TGM1: variants seen among roughly 807,000 people sequenced by gnomAD.
The protein encoded by TGM1 is transglutaminase 1.
In TGM1, 63 loss-of-function variants were observed where a neutral mutation model predicts 88.7. That is an observed-to-expected ratio of 0.71 (90% CI 0.58 to 0.88). The LOEUF (loss-of-function observed/expected upper bound fraction) is 0.88, where lower values mean the gene tolerates loss of function less well. TGM1 is among the 40% of genes least tolerant of loss of function. TGM1 has a pLI of 0.00. For synonymous variants in TGM1, 415 were observed against 431.1 expected (o/e 0.96, Z 0.46); for missense variants, 996 against 1,118.0 (o/e 0.89, Z 1.56).
In TGM1 at chr14:24,260,519, C is replaced by T. The variant is rs531428094; in HGVS notation, c.688G>A (p.Ala230Thr). Residue 230 changes from alanine (A) to threonine (T), a missense_variant, in exon 4 of 15, where the codon GCT becomes ACT. Transcript: ENST00000206765. Reference protein sequence around the residue: ...FQFTVRTQSDAGEFQLPFDPR... With the variant: ...FQFTVRTQSDTGEFQLPFDPR... ...TCAAAGGGCAACTGGAACTCCCCAG[C>T]GTCTGATTGTGTGCGGACTGTGAAC... 25 of 1,614,224 alleles carry T rather than the reference C, an allele frequency of 1.5e-5. No individual in the cohort carries two copies. The highest frequency in any genetic ancestry group is 5.0e-5 in the Admixed American group (3 of 60,034).
intron 13 of TGM1, 68 bp downstream of exon 13, chr14:24,254,596 C>A: frequency 6.2e-7 from 1 of 1,610,618 alleles, no homozygotes. Flanking sequence ...TAGCGCCCAC[C>A]TCTGATGTCC....
In TGM1 at chr14:24,259,771, T is replaced by C; in HGVS notation, c.917A>G (p.Asp306Gly). ...GVLDACLYIL[D>G]RRGMPYGGRG... ...GCCTCCATATGGCATCCCCCGCCGG[T>C]CCAGGATGTATAAGCAGGCATCCAG... The change falls in exon 6 of 15, where the codon GAC (aspartate) becomes GGC (glycine). Residue 306 changes from aspartate (D) to glycine (G), a missense_variant. Transcript: ENST00000206765. The surrounding 1 kb of genome is among the most constrained non-coding windows in gnomAD (Gnocchi z 5.7). The C allele has an allele frequency of 3.7e-6, 6 of 1,613,188 alleles. No homozygotes were observed. Among genetic ancestry groups the C allele is most frequent in the Non-Finnish European group, 4.2e-6 (5 of 1,179,886 alleles).
intron 14 of TGM1, among the ~76,000 whole-genome samples, chr14:24,250,960 A>C (rs2040696389): frequency 6.6e-6 from 1 of 152,130 alleles, no homozygotes; most frequent in African/African-American, 2.4e-5. Context: ...TCCAAGGATG[A>C]GTTTTTTTCA....
chr14:24,260,044 C>T lies in TGM1; in HGVS notation c.772G>A (p.Val258Met), dbSNP rs771471341. ...NPWCPEDIVYVDHEDWRQEYV... is the reference protein window; with the variant it reads ...NPWCPEDIVYMDHEDWRQEYV... The stretch of plus-strand genomic sequence containing the variant: ...TCCTGCCGCCAATCCTCATGGTCCA[C>T]GTACACAATGTCCTCTGTGTCCCCA... The change falls in exon 5 of 15, where the codon GTG becomes ATG. Residue 258 changes from valine to methionine, a missense_variant. Coordinates refer to ENST00000206765, the MANE Select transcript of TGM1 (RefSeq NM_000359.3). The T allele has an allele frequency of 1.7e-5, 27 of 1,613,994 alleles. No individual in the cohort carries two copies. Among genetic ancestry groups the T allele is most frequent in the South Asian group, 6.6e-5 (6 of 91,090 alleles).
intron 13 of TGM1, 25 bp from the exon 14 acceptor site, chr14:24,254,313 C>T: frequency 4.3e-6 from 7 of 1,613,874 alleles, no homozygotes; most frequent in Non-Finnish European, 5.1e-6. Flanking sequence ...GGCCCATCCC[C>T]CACGTCAGAG....
chr14:24,262,120 C>T lies in TGM1; in HGVS notation c.233G>A (p.Arg78Gln), dbSNP rs775030916. 7.4e-6 allele frequency: 12 copies of T among 1,613,488 alleles called. No individual in the cohort carries two copies. The highest frequency in any genetic ancestry group is 3.3e-5 in the Admixed American group (2 of 60,008). ...SRGRGSSSGT[R>Q]RPGSRGSDSR... ...GTCTGAGCCCCGGGAGCCAGGTCTT[C>T]GAGTGCCAGAGCTGGACCCTCGACC... is the stretch of plus-strand genomic sequence containing the variant. Residue 78 changes from arginine to glutamine, a missense_variant, in exon 2 of 15, where the codon CGA (arginine) becomes CAA (glutamine). Physicochemically the swap from Arg to Gln is conservative, Grantham distance 43. Transcript: ENST00000206765.
At chr14:24,258,803 CG>C (rs1566378700) in intron 7 of TGM1, 130 bp from the exon 8 acceptor site, 3 of 1,392,042 alleles carry the variant, frequency 2.2e-6, no homozygotes, top group Non-Finnish European at 2.9e-6. Flanking sequence ...GTCAGGGCCA[CG>C]GGGGCCACAA....
chr14:24,257,373 T>C (rs1397618192), intron 9 of TGM1, among the ~76,000 whole-genome samples: 2 of 152,188 alleles, frequency 1.3e-5, no homozygotes, highest in East Asian at 3.8e-4. Context: ...GAGTGTATGG[T>C]AGTTCTAATT....
chr14:24,262,186 G>A lies in TGM1; in HGVS notation c.167C>T (p.Ala56Val), dbSNP rs147479810. Residue 56 changes from alanine (A) to valine (V), a missense_variant, in exon 2 of 15, where the codon GCG becomes GTG. Coordinates refer to ENST00000206765, the MANE Select transcript of TGM1 (RefSeq NM_000359.3). ...RCCGCCSCRN[A>V]ADDDWGPEPS... ...TTCAGGTCCCCAGTCGTCATCTGCC[G>A]CATTTCGGCATGAACAGCAGCCACA... 383 of 1,613,756 alleles carry A rather than the reference G, an allele frequency of 2.4e-4. 4 individuals are homozygous for A. The East Asian group carries it at 4.0e-3, about 17-fold the overall frequency.
chr14:24,259,930 C>T lies in TGM1; in HGVS notation c.876+10G>A, dbSNP rs201936986. On this transcript the variant is annotated intron_variant, in intron 5 of 14. Coordinates refer to ENST00000206765, the MANE Select transcript of TGM1 (RefSeq NM_000359.3). The surrounding 1 kb of genome is among the most constrained non-coding windows in gnomAD (Gnocchi z 5.7). ...CTGGGTGTATGTGACCCTGGCCAGC[C>T]GCACCATACCTGGCCGTAGTTCCAG... 3.4e-4 allele frequency: 548 copies of T among 1,613,434 alleles called. 2 individuals are homozygous for T. In the Middle Eastern group the frequency reaches 5.1e-3, roughly 15 times the overall value.
intron 3 of TGM1, among the ~76,000 whole-genome samples, chr14:24,260,907 A>G (rs1053197615): frequency 6.6e-6 from 1 of 152,190 alleles, no homozygotes; most frequent in African/African-American, 2.4e-5. Context: ...GCCGCAGTCC[A>G]ACATCCCAAA....
In TGM1 at chr14:24,262,058, C is replaced by A; in HGVS notation, c.295G>T (p.Ala99Ser). The A allele has an allele frequency of 6.2e-7, 1 of 1,613,680 alleles. No individual in the cohort carries two copies. Among genetic ancestry groups the A allele is most frequent in the Non-Finnish European group, 8.5e-7 (1 of 1,180,042 alleles). The change falls in exon 2 of 15, where the codon GCA (alanine) becomes TCA (serine). Residue 99 changes from alanine to serine, a missense_variant. Transcript: ENST00000206765. ...RPVSRGSGVN[A>S]AGDGTIREGM... ...CCTCGGATGGTGCCATCTCCAGCTGCATTGACACCGCTGCCCCGGGATACA... is the reference window on the plus strand; with the variant it reads ...CCTCGGATGGTGCCATCTCCAGCTGAATTGACACCGCTGCCCCGGGATACA...
chr14:24,249,563 T>C, intron 14 of TGM1, 22 bp from the exon 15 acceptor site: 1 of 1,608,154 alleles, frequency 6.2e-7, no homozygotes, highest in East Asian at 2.2e-5. Flanking sequence ...GACAAGGTCA[T>C]GGGCCTGGAG....
Position 24,254,231 on chromosome 14 carries a change from G to C in TGM1, c.2146C>G (p.Pro716Ala). Residue 716 changes from proline to alanine, a missense_variant, in exon 14 of 15, where the codon CCC (proline) becomes GCC (alanine). Pro to Ala is a conservative substitution (Grantham distance 27, BLOSUM62 -1). Transcript: ENST00000206765. ...ACATTGGTGAGGGTGACGGGAAGGG[G>C]GTTCTTGAAGACAATCTGTACTTCA... ...ECEVQIVFKNPLPVTLTNVVF... is the reference protein window; with the variant it reads ...ECEVQIVFKNALPVTLTNVVF... 1 of 1,614,042 alleles carries C rather than the reference G, an allele frequency of 6.2e-7. No homozygotes were observed. The highest frequency in any genetic ancestry group is 8.5e-7 in the Non-Finnish European group (1 of 1,179,984).
chr14:24,255,912 TG>T lies in TGM1; in HGVS notation c.1491+76del. On this transcript the variant is annotated intron_variant, in intron 10 of 14. Coordinates refer to ENST00000206765, the MANE Select transcript of TGM1 (RefSeq NM_000359.3). The surrounding 1 kb of genome is among the most constrained non-coding windows in gnomAD (Gnocchi z 4.0). ...AGTGACTTGCCCCGGGTCGCAGAGC[TG>T]GTCAGTCAGCGGTGAAGTTGGGACC... The T allele has an allele frequency of 8.1e-7, 1 of 1,231,300 alleles. No individual in the cohort carries two copies. The highest frequency in any genetic ancestry group is 1.2e-6 in the Non-Finnish European group (1 of 855,182). 76.3% of individuals were successfully genotyped at this position (1,231,300 alleles called of 1,614,324 possible).
intron 9 of TGM1, among the ~76,000 whole-genome samples, chr14:24,256,746 A>T (rs534070635): frequency 1.3e-5 from 2 of 152,220 alleles, no homozygotes; most frequent in Non-Finnish European, 2.9e-5. Flanking sequence ...TAGACAAGAC[A>T]TAACACTACA....
Sources: allele counts gnomAD v4.1 joint callset (sites outside exome capture counted in the v4.1 genomes callset), GRCh38; gene constraint gnomAD v4.1.1; non-coding constraint Gnocchi (gnomAD v3.1); transcripts MANE v1.5; gene names NCBI Gene and HGNC (gene_info 2026-07-23, HGNC 2026-07-21).